The following MMS22L variants were observed in gnomAD, a reference collection of about 807,000 sequenced individuals.
MMS22L encodes protein MMS22-like.
Under a neutral mutation model 159.1 loss-of-function variants are expected in MMS22L, and 74 were observed. The observed-to-expected ratio is 0.47, with a 90% CI of 0.39 to 0.56. The LOEUF (loss-of-function observed/expected upper bound fraction) is 0.56, where lower values mean the gene tolerates loss of function less well. MMS22L is among the 20% of genes least tolerant of loss of function. The pLI is 0.00. For missense variants in MMS22L, 1,351 were observed against 1,422.1 expected, an observed-to-expected ratio of 0.95 and a Z score of 0.80; for synonymous variants, 517 against 506.9, an observed-to-expected ratio of 1.02 and a Z score of -0.27.
At chr6:97,161,176 A>G (rs1362841521) in intron 22 of MMS22L, among the ~76,000 whole-genome samples, 1 of 151,566 alleles carries the variant, frequency 6.6e-6, no homozygotes, top group Non-Finnish European at 1.5e-5. Flanking sequence ...AATGAAGTCC[A>G]CTCCTCCTCT....
chr6:97,179,419 T>G lies in MMS22L; in HGVS notation c.2525A>C (p.Glu842Ala). The change falls in exon 17 of 25, where the codon GAA becomes GCA. Residue 842 changes from glutamate (E) to alanine (A), a missense_variant. Physicochemically the swap from Glu to Ala is moderately radical, Grantham distance 107 (BLOSUM62 -1). Transcript: ENST00000683635. ...GTACACTTACTTACCAACTGCCTCT[T>G]CCAGATTTTTATCTATGAGCAAATC... ...PDDLLIDKNL[E>A]EAVEKEYMKQ... 6.2e-7 allele frequency: 1 copy of G among 1,612,390 alleles called. No individual in the cohort carries two copies. Among genetic ancestry groups the G allele is most frequent in the Non-Finnish European group, 8.5e-7 (1 of 1,179,332 alleles).
chr6:97,244,473 A>G (rs1812420452), intron 11 of MMS22L, among the ~76,000 whole-genome samples: 1 of 152,188 alleles, frequency 6.6e-6, no homozygotes, highest in African/African-American at 2.4e-5. Context: ...TTAACATTTG[A>G]GTCAGTGGGC....
intron 10 of MMS22L, among the ~76,000 whole-genome samples, chr6:97,247,143 CT>C (rs373093812): frequency 2.6e-5 from 4 of 151,424 alleles, no homozygotes; most frequent in Non-Finnish European, 2.9e-5. Context: ...AACAAAGTAA[CT>C]AAAAATTTTA....
At chr6:97,202,416 A>G (rs1487627996) in intron 14 of MMS22L, among the ~76,000 whole-genome samples, 1 of 152,182 alleles carries the variant, frequency 6.6e-6, no homozygotes, top group Non-Finnish European at 1.5e-5. Context: ...AGCTGCGAAG[A>G]TCGCTGCAAC....
In MMS22L at chr6:97,282,314, C is replaced by T; in HGVS notation, c.164G>A (p.Arg55Gln). ...GAAAATGTCTCTGAGTTTTACCTAC[C>T]GCTTAAGGGCTCCGCTGCAGAGGTA... ...ESYLCSGALK[R>Q]LILNLDPLPT... Residue 55 changes from arginine to glutamine, a missense_variant and splice_region_variant, in exon 2 of 25, where the codon CGA becomes CAA. Physicochemically the swap from Arg to Gln is conservative, Grantham distance 43. Transcript: ENST00000683635. 6.2e-7 allele frequency: 1 copy of T among 1,613,110 alleles called. No individual in the cohort carries two copies. The highest frequency in any genetic ancestry group is 8.5e-7 in the Non-Finnish European group (1 of 1,179,636).
intron 4 of MMS22L, among the ~76,000 whole-genome samples, chr6:97,274,761 C>A (rs757860925): frequency 1.3e-5 from 2 of 152,062 alleles, no homozygotes; most frequent in Non-Finnish European, 2.9e-5. Flanking sequence ...ACAGAAGTGT[C>A]CCTCTGAGAT....
intron 14 of MMS22L, among the ~76,000 whole-genome samples, chr6:97,205,433 CAACAG>C (rs1463415522): frequency 5.3e-5 from 8 of 152,014 alleles, no homozygotes; most frequent in African/African-American, 1.7e-4. Context: ...AAGATCTGAC[CAACAG>C]TGCCTTAGTT....
In MMS22L at chr6:97,166,901, C is replaced by T. The variant is rs547641166; in HGVS notation, c.3009+1170G>A. ...TTTTTGTCATTCTGCTAGATTAACACACTAAACTTCATTTTAAATGCTATT... is the reference window on the plus strand; with the variant it reads ...TTTTTGTCATTCTGCTAGATTAACATACTAAACTTCATTTTAAATGCTATT... On this transcript the variant is annotated intron_variant, in intron 20 of 24. Coordinates refer to ENST00000683635, the MANE Select transcript of MMS22L (RefSeq NM_001350599.2). Among the ~76,000 whole-genome samples, 3 of 152,132 alleles carry T rather than the reference C, an allele frequency of 2.0e-5. No homozygotes were observed. The South Asian group carries it at 6.2e-4, about 32-fold the overall frequency.
At chr6:97,182,140 G>GTGT in intron 15 of MMS22L, 86 bp from the exon 16 acceptor site, 1 of 739,406 alleles carries the variant, frequency 1.4e-6, no homozygotes, top group Admixed American at 3.4e-5. Flanking sequence ...TATAACAAGT[G>GTGT]TTTTTTTTTT....
At chr6:97,215,317 A>G (rs1216503174) in intron 14 of MMS22L, among the ~76,000 whole-genome samples, 1 of 152,124 alleles carries the variant, frequency 6.6e-6, no homozygotes, top group Non-Finnish European at 1.5e-5. Flanking sequence ...TTCTTCTGTC[A>G]TTATATAAGC....
At chr6:97,247,167 A>G (rs1233075260) in intron 10 of MMS22L, among the ~76,000 whole-genome samples, 1 of 152,170 alleles carries the variant, frequency 6.6e-6, no homozygotes, top group African/African-American at 2.4e-5. Context: ...CAGAAAATAA[A>G]TTGACAACCT....
At chr6:97,149,051 T>C (rs1801066268) in intron 24 of MMS22L, among the ~76,000 whole-genome samples, 1 of 152,234 alleles carries the variant, frequency 6.6e-6, no homozygotes, top group Admixed American at 6.5e-5. Flanking sequence ...TACAAGTTTG[T>C]AGCCTAGGAG....
At chr6:97,156,329 C>T (rs776394574) in intron 22 of MMS22L, among the ~76,000 whole-genome samples, 1 of 152,020 alleles carries the variant, frequency 6.6e-6, no homozygotes, top group Non-Finnish European at 1.5e-5. Context: ...TTAATTAGAT[C>T]CCATTTATAT....
chr6:97,184,639 T>G (rs1464299189), intron 15 of MMS22L, among the ~76,000 whole-genome samples: 1 of 152,160 alleles, frequency 6.6e-6, no homozygotes, highest in Non-Finnish European at 1.5e-5. Flanking sequence ...TAGCAAATTC[T>G]GTCATCTCTA....
chr6:97,186,803 T>G, intron 14 of MMS22L, 113 bp from the exon 15 acceptor site: 1 of 683,712 alleles, frequency 1.5e-6, no homozygotes, highest in Non-Finnish European at 2.2e-6. Context: ...TTTTATATAA[T>G]TAAAACCTTT....
intron 14 of MMS22L, among the ~76,000 whole-genome samples, chr6:97,220,229 T>A (rs956091439): frequency 1.3e-5 from 2 of 152,176 alleles, no homozygotes; most frequent in Non-Finnish European, 1.5e-5. Context: ...TCTTGAGAAC[T>A]AGTAGCTCCA....
In MMS22L at chr6:97,195,563, CAT is replaced by C. The variant is rs144805129; in HGVS notation, c.2040-8875_2040-8874del. On this transcript the variant is annotated intron_variant, in intron 14 of 24. Transcript: ENST00000683635. ...ACAAATGGTGTTCCATTTGTTCAGT[CAT>C]ATGTTTTCTTCATTCACTTCAGAAG... 2.4e-3 allele frequency among the ~76,000 whole-genome samples: 359 copies of C among 152,248 alleles called. 2 individuals are homozygous for C. Among genetic ancestry groups the C allele is most frequent in the African/African-American group, 8.2e-3 (341 of 41,554 alleles).
At chr6:97,216,787 TCA>T (rs1213284573) in intron 14 of MMS22L, among the ~76,000 whole-genome samples, 1 of 152,210 alleles carries the variant, frequency 6.6e-6, no homozygotes, top group Non-Finnish European at 1.5e-5. Context: ...AGACTAGGAA[TCA>T]CAGTGACATA....
chr6:97,177,984 A>C (rs138765876), intron 18 of MMS22L, among the ~76,000 whole-genome samples: 1 of 152,130 alleles, frequency 6.6e-6, no homozygotes, highest in African/African-American at 2.4e-5. Flanking sequence ...AACAAAACAA[A>C]ACAAATGGAT....
Sources: allele counts gnomAD v4.1 joint callset (sites outside exome capture counted in the v4.1 genomes callset), GRCh38; gene constraint gnomAD v4.1.1; transcripts MANE v1.5; gene names NCBI Gene and HGNC (gene_info 2026-07-23, HGNC 2026-07-21).